Variants in KSR2 observed in about 807,000 individuals in gnomAD.
KSR2 encodes kinase suppressor of ras 2.
A neutral mutation model predicts 107.8 loss-of-function variants in KSR2; 25 were observed. The observed-to-expected ratio is 0.23, with a 90% CI of 0.17 to 0.32. The LOEUF is 0.32. Among genes scored for constraint, KSR2 ranks in the 10% least tolerant of loss-of-function variants. KSR2 has a pLI of 1.00. For synonymous variants in KSR2, 480 were observed against 507.0 expected (o/e 0.95, Z 0.71); for missense variants, 887 against 1,268.9 (o/e 0.70, Z 4.57).
intron 4 of KSR2, among the ~76,000 whole-genome samples, chr12:117,691,904 T>C (rs1475358410): frequency 6.6e-6 from 1 of 152,208 alleles, no homozygotes; most frequent in African/African-American, 2.4e-5. Flanking sequence ...TGATAGAGGA[T>C]TCCCCATTTT....
intron 3 of KSR2, among the ~76,000 whole-genome samples, chr12:117,799,508 A>C (rs1283379675): frequency 2.0e-5 from 3 of 152,092 alleles, no homozygotes; most frequent in Non-Finnish European, 4.4e-5. Context: ...CCAAAAAAAA[A>C]AAGAAAAAAA....
chr12:117,518,781 C>T (rs1158599351), intron 14 of KSR2, among the ~76,000 whole-genome samples: 1 of 152,224 alleles, frequency 6.6e-6, no homozygotes, highest in East Asian at 1.9e-4. Flanking sequence ...AGGGCCTTTG[C>T]ACCTGCAGTA....
At chr12:117,593,855 G>A (rs1392035730) in intron 5 of KSR2, among the ~76,000 whole-genome samples, 1 of 152,228 alleles carries the variant, frequency 6.6e-6, no homozygotes, top group African/African-American at 2.4e-5. Context: ...GCTCCTTTGG[G>A]AAAGAAGCCA....
chr12:117,619,882 T>A (rs1432417185), intron 5 of KSR2, among the ~76,000 whole-genome samples: 1 of 151,954 alleles, frequency 6.6e-6, no homozygotes, highest in Non-Finnish European at 1.5e-5. Flanking sequence ...GTGACCATCA[T>A]CAAAATCCAA....
At chr12:117,912,437 G>A (rs1181330736) in intron 1 of KSR2, among the ~76,000 whole-genome samples, 2 of 152,222 alleles carry the variant, frequency 1.3e-5, no homozygotes, top group Non-Finnish European at 2.9e-5. Context: ...GAAAAGTACA[G>A]CAGACCTTTG....
At chr12:117,688,848 A>C (rs761528535) in intron 4 of KSR2, among the ~76,000 whole-genome samples, 9 of 152,202 alleles carry the variant, frequency 5.9e-5, no homozygotes, top group Non-Finnish European at 7.3e-5. Flanking sequence ...AAAAGCCCAT[A>C]GTGTTTATGT....
chr12:117,504,760 T>G (rs1172525521), intron 14 of KSR2, among the ~76,000 whole-genome samples: 3 of 152,154 alleles, frequency 2.0e-5, no homozygotes, highest in Non-Finnish European at 1.5e-5. Context: ...AAAAAAATCT[T>G]TGTTAAAATT....
Position 117,552,804 on chromosome 12 carries a change from A to G in KSR2, c.1518+2365T>C, listed in dbSNP as rs534519591. Among the ~76,000 whole-genome samples the G allele has an allele frequency of 2.0e-5, 3 of 152,236 alleles. No individual in the cohort carries two copies. In the South Asian group the frequency reaches 6.2e-4, roughly 32 times the overall value. On this transcript the variant is annotated intron_variant, in intron 9 of 19. Coordinates refer to ENST00000339824, the MANE Select transcript of KSR2 (RefSeq NM_173598.6). ...GAAATATGGGTATGGCTGTGTTCCA[A>G]TAAAATTTTATTTACAAAAGTAGGT...
chr12:117,858,594 G>T (rs1038723872), intron 2 of KSR2, among the ~76,000 whole-genome samples: 4 of 152,194 alleles, frequency 2.6e-5, no homozygotes, highest in Admixed American at 2.6e-4. Flanking sequence ...TAGGAAGCAG[G>T]GAGCGCCTCG....
chr12:117,520,745 C>T (rs1874704918), intron 14 of KSR2, among the ~76,000 whole-genome samples: 1 of 152,330 alleles, frequency 6.6e-6, no homozygotes, highest in Admixed American at 6.5e-5. Context: ...GCCTACAGCC[C>T]TCCAACGGCT....
At chr12:117,787,501 C>A (rs1479222229) in intron 3 of KSR2, among the ~76,000 whole-genome samples, 2 of 151,372 alleles carry the variant, frequency 1.3e-5, no homozygotes, top group Non-Finnish European at 1.5e-5. Context: ...AGCACAGCGG[C>A]ACATGCCTGT....
intron 3 of KSR2, among the ~76,000 whole-genome samples, chr12:117,812,051 TG>T (rs1555244158): frequency 2.6e-5 from 4 of 152,038 alleles, no homozygotes; most frequent in Non-Finnish European, 5.9e-5. Context: ...GGATTTTTCT[TG>T]GAAAAAAATA....
In KSR2 at chr12:117,695,939, C is replaced by T. The variant is rs190091894; in HGVS notation, c.987-28281G>A. The stretch of plus-strand genomic sequence containing the variant: ...ACTGCCATCCGTTGGCAAATGGAAG[C>T]TGAACTTGTGCAAGTGAAAGCTGAC... On this transcript the variant is annotated intron_variant, in intron 4 of 19. Coordinates refer to ENST00000339824, the MANE Select transcript of KSR2 (RefSeq NM_173598.6). Among the ~76,000 whole-genome samples the T allele has an allele frequency of 2.8e-3, 426 of 152,262 alleles. 3 individuals are homozygous for T. The highest frequency in any genetic ancestry group is 9.9e-3 in the African/African-American group (410 of 41,552).
rs12318073 is a variant in KSR2, at chr12:117,527,322, C to G, written c.1803-203G>C. 6.1e-3 allele frequency among the ~76,000 whole-genome samples: 799 copies of G among 130,624 alleles called. 15 individuals carry two copies. The highest frequency in any genetic ancestry group is 0.028 in the African/African-American group (751 of 26,696). The allele number at this position is 130,624 out of a possible 152,430, so 85.7% of individuals were successfully genotyped here. A position where few individuals can be genotyped will look rare whatever the true frequency, so the allele number is the denominator to read the frequency against. ...ACACAGACACACACACACACACACA[C>G]ACAGACACACACACACACACACACA... On this transcript the variant is annotated intron_variant, in intron 12 of 19. Transcript: ENST00000339824.
chr12:117,843,929 C>CCTT (rs1192410930), intron 3 of KSR2, among the ~76,000 whole-genome samples: 2 of 127,550 alleles, frequency 1.6e-5, no homozygotes, highest in Non-Finnish European at 3.2e-5. Flanking sequence ...TTAAGCTTCC[C>CCTT]TTTTTTTTTT....
chr12:117,924,572 CAA>C lies in KSR2; in HGVS notation c.180+43502_180+43503del, dbSNP rs58789868. On this transcript the variant is annotated intron_variant, in intron 1 of 19. Transcript: ENST00000339824. ...GGCTGACAAGAGTGAAGCTCCATCTCAAAAAAAAAAAAAAAAAAAAAAAAGAA... is the reference window on the plus strand; with the variant it reads ...GGCTGACAAGAGTGAAGCTCCATCTCAAAAAAAAAAAAAAAAAAAAAAGAA... Among the ~76,000 whole-genome samples, 244 of 39,488 alleles carry C rather than the reference CAA, an allele frequency of 6.2e-3. No homozygotes were observed. The East Asian group carries it at 0.1, about 17-fold the overall frequency. The allele number at this position is 39,488 out of a possible 152,430, so 25.9% of individuals were successfully genotyped here.
In KSR2 at chr12:117,461,696, C is replaced by A; in HGVS notation, c.*5503G>T. 1.2e-5 allele frequency: 2 copies of A among 167,666 alleles called. No homozygotes were observed. The highest frequency in any genetic ancestry group is 2.6e-5 in the Non-Finnish European group (2 of 75,934). 10.4% of individuals were successfully genotyped at this position (167,666 alleles called of 1,614,324 possible). A position where few individuals can be genotyped will look rare whatever the true frequency, so the allele number is the denominator to read the frequency against. ...ATTCCAGGACCCAGACTGACATTTGCTGCCTGTCACTCCCCTTGGAGTTCA... is the reference window on the plus strand; with the variant it reads ...ATTCCAGGACCCAGACTGACATTTGATGCCTGTCACTCCCCTTGGAGTTCA... On this transcript the variant is annotated 3_prime_UTR_variant, in exon 20 of 20. Transcript: ENST00000339824.
intron 3 of KSR2, among the ~76,000 whole-genome samples, chr12:117,779,534 T>A (rs1160983959): frequency 6.6e-6 from 1 of 152,234 alleles, no homozygotes; most frequent in Non-Finnish European, 1.5e-5. Context: ...TGTGGCTCTA[T>A]GTCCCCACTC....
chr12:117,508,982 T>C (rs1005436718), intron 14 of KSR2, among the ~76,000 whole-genome samples: 4 of 150,704 alleles, frequency 2.7e-5, no homozygotes, highest in East Asian at 3.9e-4. Flanking sequence ...ATTGAATAGA[T>C]GGATGGTTCA....
Sources: gnomAD v4.1 joint callset for allele counts (sites outside exome capture counted in the v4.1 genomes callset) on GRCh38, gnomAD v4.1.1 for gene constraint, MANE v1.5 for transcripts, NCBI Gene and HGNC (gene_info 2026-07-23, HGNC 2026-07-21) for gene names.